Variants in BACH2 observed in about 807,000 individuals in gnomAD.
BACH2 encodes the protein BACH transcriptional regulator 2.
Under a neutral mutation model 61.8 loss-of-function variants are expected in BACH2, and 5 were observed. That is an observed-to-expected ratio of 0.08 (90% CI 0.04 to 0.17). BACH2 has a LOEUF of 0.17. Among genes scored for constraint, BACH2 ranks in the 10% least tolerant of loss-of-function variants. The pLI is 1.00. For missense variants in BACH2, 824 were observed against 1,091.1 expected, an observed-to-expected ratio of 0.76 and a Z score of 3.45; for synonymous variants, 446 against 440.1, an observed-to-expected ratio of 1.01 and a Z score of -0.17.
intron 5 of BACH2, among the ~76,000 whole-genome samples, chr6:90,054,181 G>A (rs184052943): frequency 2.4e-4 from 36 of 152,332 alleles, no homozygotes; most frequent in Admixed American, 1.1e-3. Flanking sequence ...CGCCTCACTC[G>A]GGAAGTGCAA....
At chr6:90,050,678 TTAAC>T (rs1333123207) in intron 5 of BACH2, among the ~76,000 whole-genome samples, 1 of 152,172 alleles carries the variant, frequency 6.6e-6, no homozygotes, top group East Asian at 1.9e-4. Flanking sequence ...GATTTTAAAA[TTAAC>T]TAATAGATAC....
intron 4 of BACH2, among the ~76,000 whole-genome samples, chr6:90,144,926 G>T (rs1440858954): frequency 2.0e-5 from 3 of 152,248 alleles, no homozygotes; most frequent in Admixed American, 1.3e-4. Context: ...ATTTTACCAA[G>T]GAGACAAATA....
chr6:90,065,263 G>A (rs1428692989), intron 5 of BACH2, among the ~76,000 whole-genome samples: 8 of 77,472 alleles, frequency 1.0e-4, no homozygotes, highest in South Asian at 5.5e-4. Context: ...ACCCCCTGCC[G>A]CCCCCACTTT....
intron 2 of BACH2, among the ~76,000 whole-genome samples, chr6:90,271,289 A>C (rs1208184623): frequency 6.6e-6 from 1 of 151,748 alleles, no homozygotes; most frequent in East Asian, 1.9e-4. Context: ...AAATCTTTGC[A>C]AACTATGCAC....
chr6:89,989,589 G>C (rs569853108), intron 6 of BACH2, among the ~76,000 whole-genome samples: 168 of 152,248 alleles, frequency 1.1e-3, no homozygotes, highest in Non-Finnish European at 1.8e-3. Context: ...ATGCATTATA[G>C]TTGCAGGAGA....
intron 4 of BACH2, among the ~76,000 whole-genome samples, chr6:90,189,614 CAAAAA>C (rs59022545): frequency 2.5e-4 from 12 of 47,770 alleles, no homozygotes; most frequent in African/African-American, 7.4e-4. Flanking sequence ...GACTCCGTCT[CAAAAA>C]AAAAAAAAAA....
At chr6:90,070,554 T>G (rs1433295043) in intron 5 of BACH2, among the ~76,000 whole-genome samples, 1 of 152,186 alleles carries the variant, frequency 6.6e-6, no homozygotes, top group Non-Finnish European at 1.5e-5. Context: ...GAGTGAGGAC[T>G]CTGATTCTTT....
At chr6:90,271,341 T>C (rs775028624) in intron 2 of BACH2, among the ~76,000 whole-genome samples, 2 of 45,736 alleles carry the variant, frequency 4.4e-5, no homozygotes, top group Admixed American at 2.6e-4. Context: ...GGAACTCAAA[T>C]CAGCAAGATA....
At chr6:89,959,605 C>T (rs1017479885) in intron 6 of BACH2, among the ~76,000 whole-genome samples, 23 of 152,168 alleles carry the variant, frequency 1.5e-4, no homozygotes, top group African/African-American at 3.6e-4. Context: ...TCTCTCTGTG[C>T]GTGTGTATCT....
chr6:90,277,888 A>G (rs1435790327), intron 1 of BACH2, among the ~76,000 whole-genome samples: 2 of 152,246 alleles, frequency 1.3e-5, no homozygotes, highest in Non-Finnish European at 2.9e-5. Context: ...AATGCTGAGC[A>G]CTACTGCCTG....
chr6:90,062,886 G>A (rs1780757567), intron 5 of BACH2: 2 of 983,270 alleles, frequency 2.0e-6, no homozygotes, highest in Non-Finnish European at 2.4e-6. Context: ...AGGCTGACCT[G>A]GCTCTGCCAA....
chr6:90,187,515 A>G (rs1389636119), intron 4 of BACH2, among the ~76,000 whole-genome samples: 2 of 152,210 alleles, frequency 1.3e-5, no homozygotes, highest in Non-Finnish European at 2.9e-5. Context: ...CTTCTCTGCA[A>G]TCTGCTTCTA....
At chr6:90,260,174 T>G (rs557242789) in intron 2 of BACH2, among the ~76,000 whole-genome samples, 67 of 152,336 alleles carry the variant, frequency 4.4e-4, no homozygotes, top group African/African-American at 1.6e-3. Context: ...TTTTCTAATG[T>G]AGGCATATAT....
At chr6:90,263,243 C>A (rs529062849) in intron 2 of BACH2, among the ~76,000 whole-genome samples, 10 of 152,188 alleles carry the variant, frequency 6.6e-5, no homozygotes, top group African/African-American at 2.4e-4. Context: ...AATCATGGGT[C>A]AAACATCTCT....
chr6:90,044,218 G>T (rs1363645022), intron 5 of BACH2, among the ~76,000 whole-genome samples: 1 of 152,224 alleles, frequency 6.6e-6, no homozygotes, highest in Non-Finnish European at 1.5e-5. Flanking sequence ...GATGTGGGCG[G>T]TGAGGTCCTG....
chr6:90,275,507 C>T (rs1426825145), intron 1 of BACH2, among the ~76,000 whole-genome samples: 3 of 152,286 alleles, frequency 2.0e-5, no homozygotes, highest in African/African-American at 7.2e-5. Context: ...TTATTATTTA[C>T]TTAACTTTTA....
At chr6:90,072,626 C>T (rs1781287405) in intron 5 of BACH2, among the ~76,000 whole-genome samples, 1 of 152,166 alleles carries the variant, frequency 6.6e-6, no homozygotes, top group South Asian at 2.1e-4. Context: ...CTGCCTTTAG[C>T]TTCTCAGTCA....
intron 5 of BACH2, among the ~76,000 whole-genome samples, chr6:90,029,256 G>A (rs904309459): frequency 5.9e-5 from 9 of 152,012 alleles, no homozygotes; most frequent in South Asian, 2.1e-4. Context: ...AAGACTCCCC[G>A]CCCTGCCATT....
intron 2 of BACH2, among the ~76,000 whole-genome samples, chr6:90,256,130 A>T (rs1262191766): frequency 2.0e-5 from 3 of 152,156 alleles, no homozygotes; most frequent in African/African-American, 7.2e-5. Context: ...AATCTCACAT[A>T]AAACGTACAG....
Sources: gnomAD v4.1 joint callset for allele counts (sites outside exome capture counted in the v4.1 genomes callset) on GRCh38, gnomAD v4.1.1 for gene constraint, MANE v1.5 for transcripts, NCBI Gene and HGNC (gene_info 2026-07-23, HGNC 2026-07-21) for gene names.